WDFY3: variants seen among roughly 807,000 people sequenced by gnomAD.
The protein encoded by WDFY3 is WD repeat and FYVE domain-containing protein 3.
Under a neutral mutation model 409.6 loss-of-function variants are expected in WDFY3, and 66 were observed. The ratio of observed to expected loss-of-function variants is 0.16; its 90% CI spans 0.13 to 0.20. WDFY3 has a LOEUF of 0.20. WDFY3 is among the 10% of genes least tolerant of loss of function. The probability of loss-of-function intolerance (pLI) is 1.00; values close to 1 mark genes in which losing one functional copy is unlikely to be tolerated. For synonymous variants in WDFY3, 1,521 were observed against 1,537.1 expected, an observed-to-expected ratio of 0.99 and a Z score of 0.25; for missense variants, 3,031 against 4,298.1, an observed-to-expected ratio of 0.71 and a Z score of 8.24.
At chr4:84,841,325 T>C in intron 5 of WDFY3, 62 bp from the exon 6 acceptor site, 1 of 1,402,794 alleles carries the variant, frequency 7.1e-7, no homozygotes, top group Non-Finnish European at 9.9e-7. Context: ...AGGTTCTTCT[T>C]TAAAACCTAC....
At chr4:84,773,479 G>T (rs1745021932) in intron 29 of WDFY3, among the ~76,000 whole-genome samples, 1 of 152,054 alleles carries the variant, frequency 6.6e-6, no homozygotes, top group African/African-American at 2.4e-5. Flanking sequence ...GGAGTAGGGG[G>T]AACAGGAGAA....
At chr4:84,673,374 T>TA (rs1236555762) in intron 67 of WDFY3, among the ~76,000 whole-genome samples, 1 of 152,166 alleles carries the variant, frequency 6.6e-6, no homozygotes, top group Non-Finnish European at 1.5e-5. Flanking sequence ...GAGCTTGACA[T>TA]ATTTCTCTTG....
chr4:84,724,683 T>A, intron 45 of WDFY3, 89 bp from the exon 46 acceptor site: 1 of 1,435,442 alleles, frequency 7.0e-7, no homozygotes, highest in African/African-American at 1.4e-5. Flanking sequence ...TGTCAAGGTG[T>A]GTTACCTTTT....
At chr4:84,717,963 G>A (rs894372140) in intron 48 of WDFY3, among the ~76,000 whole-genome samples, 2 of 150,182 alleles carry the variant, frequency 1.3e-5, no homozygotes, top group Admixed American at 1.3e-4. Flanking sequence ...CAGGAGAATG[G>A]CATGAACCCG....
chr4:84,726,909 A>G lies in WDFY3; in HGVS notation c.7224T>C (p.Ser2408=). 1 of 1,597,750 alleles carries G rather than the reference A, an allele frequency of 6.3e-7. No individual in the cohort carries two copies. Residue 2408 remains serine, a splice_region_variant and synonymous_variant, in exon 45 of 68, where the codon TCT becomes TCC. Transcript: ENST00000295888. ...PETEQETNVA[S]EIPSKQPETP... is the part of the protein sequence containing the mutation. Reference sequence around the variant, plus strand: ...TCTCAGGCTGTTTACTTGGGATCTCAGACTGAAAACAGGGTATTAAGTATA... The same window carrying G: ...TCTCAGGCTGTTTACTTGGGATCTCGGACTGAAAACAGGGTATTAAGTATA...
chr4:84,846,761 G>A (rs1208004361), intron 5 of WDFY3, among the ~76,000 whole-genome samples: 1 of 151,514 alleles, frequency 6.6e-6, no homozygotes, highest in Non-Finnish European at 1.5e-5. Context: ...ATAAGTGAAA[G>A]CAATGAAATT....
At chr4:84,723,036 A>C (rs1168926326) in intron 46 of WDFY3, among the ~76,000 whole-genome samples, 1 of 152,232 alleles carries the variant, frequency 6.6e-6, no homozygotes, top group Non-Finnish European at 1.5e-5. Flanking sequence ...TCAATTAGAG[A>C]TTAGGAAAAT....
intron 58 of WDFY3, 96 bp from the exon 59 acceptor site, chr4:84,693,128 C>T: frequency 7.8e-7 from 1 of 1,283,416 alleles, no homozygotes; most frequent in Non-Finnish European, 1.1e-6. Context: ...AATTAAGGTT[C>T]ACAAGAACTA....
In WDFY3 at chr4:84,776,132, A is replaced by G. The variant is rs992377774; in HGVS notation, c.4519-994T>C. Among the ~76,000 whole-genome samples, 3 of 152,218 alleles carry G rather than the reference A, an allele frequency of 2.0e-5. No homozygotes were observed. The East Asian group carries it at 5.8e-4, about 29-fold the overall frequency. On this transcript the variant is annotated intron_variant, in intron 27 of 67. Transcript: ENST00000295888. ...AATACAAACTATCGTAGGGATTATA[A>G]ACATATAGAAGTAAATGTATACAAT...
chr4:84,743,703 A>T lies in WDFY3; in HGVS notation c.6070T>A (p.Leu2024Ile). ...TAAAATAAAAACACAGAATTACCTA[A>T]TAACACATCAGCTGCAAGCAAATGG... is the stretch of plus-strand genomic sequence containing the variant. ...MDHLLAADVLLGEDASLPITS... is the reference protein window; with the variant it reads ...MDHLLAADVLIGEDASLPITS... Residue 2024 changes from leucine (L) to isoleucine (I), a missense_variant, in exon 37 of 68, where the codon TTA becomes ATA. Leu to Ile is a conservative substitution (Grantham distance 5, BLOSUM62 2). Around this residue, in one of 16 missense-constraint regions of WDFY3, gnomAD observed 314 missense variants for 397.4 expected, o/e 0.79. Transcript: ENST00000295888. 1 of 1,558,434 alleles carries T rather than the reference A, an allele frequency of 6.4e-7. No individual in the cohort carries two copies. Among genetic ancestry groups the T allele is most frequent in the Non-Finnish European group, 8.7e-7 (1 of 1,148,276 alleles).
At chr4:84,769,219 C>A (rs1334221370) in intron 30 of WDFY3, among the ~76,000 whole-genome samples, 1 of 152,126 alleles carries the variant, frequency 6.6e-6, no homozygotes, top group African/African-American at 2.4e-5. Flanking sequence ...CAAATAACAA[C>A]AAAGGACTCA....
chr4:84,894,585 G>A (rs189213655), intron 3 of WDFY3, among the ~76,000 whole-genome samples: 1 of 152,046 alleles, frequency 6.6e-6, no homozygotes, highest in South Asian at 2.1e-4. Context: ...TCAGGAGTTC[G>A]AGAGCAGCCT....
chr4:84,824,551 GC>G (rs1242836794), intron 10 of WDFY3, among the ~76,000 whole-genome samples: 1 of 152,082 alleles, frequency 6.6e-6, no homozygotes, highest in Non-Finnish European at 1.5e-5. Context: ...TCTAGAAAGG[GC>G]AAAACTAAAA....
At chr4:84,865,023 G>A (rs1378222314) in intron 3 of WDFY3, among the ~76,000 whole-genome samples, 1 of 151,968 alleles carries the variant, frequency 6.6e-6, no homozygotes, top group African/African-American at 2.4e-5. Context: ...CCTAGTAGCT[G>A]GGATGACAGC....
intron 1 of WDFY3, among the ~76,000 whole-genome samples, chr4:84,947,283 C>A (rs564695889): frequency 1.3e-5 from 2 of 149,314 alleles, no homozygotes; most frequent in Non-Finnish European, 3.0e-5. Context: ...GAAGCCGAGG[C>A]GGGCGGATCA....
chr4:84,867,425 G>A (rs533053108), intron 3 of WDFY3, among the ~76,000 whole-genome samples: 23 of 152,248 alleles, frequency 1.5e-4, no homozygotes, highest in African/African-American at 4.3e-4. Flanking sequence ...GTTAGTAAGC[G>A]TTTTCAAACT....
rs141085557 is a variant in WDFY3, at chr4:84,792,916, G to C, written c.3487+1603C>G. Reference sequence around the variant, plus strand: ...ATTCTAGGTACTGTGTTAGATGACAGGGCAGCTTAGATTACAAAGATAAGC... The same window carrying C: ...ATTCTAGGTACTGTGTTAGATGACACGGCAGCTTAGATTACAAAGATAAGC... On this transcript the variant is annotated intron_variant, in intron 21 of 67. Coordinates refer to ENST00000295888, the MANE Select transcript of WDFY3 (RefSeq NM_014991.6). 6.1e-3 allele frequency among the ~76,000 whole-genome samples: 921 copies of C among 152,184 alleles called. 4 individuals are homozygous for C. The highest frequency in any genetic ancestry group is 0.018 in the African/African-American group (746 of 41,524).
rs71670882 is a variant in WDFY3 at position 84,784,858 on chromosome 4, G to GTATATATATATATATA, written c.4062+1105_4062+1120dup. Among the ~76,000 whole-genome samples, 29 of 88,996 alleles carry GTATATATATATATATA rather than the reference G, an allele frequency of 3.3e-4. 1 individual carries two copies. Among genetic ancestry groups the GTATATATATATATATA allele is most frequent in the Non-Finnish European group, 4.8e-4 (24 of 50,010 alleles). The allele number at this position is 88,996 out of a possible 152,430, so 58.4% of individuals were successfully genotyped here. On this transcript the variant is annotated intron_variant, in intron 24 of 67. Coordinates refer to ENST00000295888, the MANE Select transcript of WDFY3 (RefSeq NM_014991.6). The stretch of plus-strand genomic sequence containing the variant: ...CATCTCAAAAAAAAAAAGTGTATAT[G>GTATATATATATATATA]TATATATATATATATATATATATAT...
intron 15 of WDFY3, 71 bp downstream of exon 15, chr4:84,808,263 T>A: frequency 8.4e-7 from 1 of 1,196,086 alleles, no homozygotes. Context: ...ATCAACATGT[T>A]AACATAAATA....
Sources: gnomAD v4.1 joint callset for allele counts (sites outside exome capture counted in the v4.1 genomes callset) on GRCh38, gnomAD v4.1.1 for gene constraint, gnomAD v4.1.1 regional missense constraint, MANE v1.5 for transcripts, NCBI Gene and HGNC (gene_info 2026-07-23, HGNC 2026-07-21) for gene names.